Variants in MDGA2 observed in about 807,000 individuals in gnomAD.
MDGA2 encodes the protein MAM domain containing glycosylphosphatidylinositol anchor 2.
MDGA2 carries 40 observed loss-of-function variants against 117.8 expected under a neutral mutation model. The observed-to-expected ratio is 0.34, with a 90% CI of 0.26 to 0.44. The LOEUF is 0.44. Ranked by LOEUF, MDGA2 falls within the 20% of genes least tolerant of loss-of-function variation. The probability of loss-of-function intolerance (pLI) is 1.00; values close to 1 mark genes in which losing one functional copy is unlikely to be tolerated. For synonymous variants in MDGA2, 452 were observed against 439.0 expected, an observed-to-expected ratio of 1.03 and a Z score of -0.37; for missense variants, 1,123 against 1,250.6, an observed-to-expected ratio of 0.90 and a Z score of 1.54.
intron 3 of MDGA2, among the ~76,000 whole-genome samples, chr14:47,173,015 G>C (rs187537829): frequency 6.6e-6 from 1 of 152,142 alleles, no homozygotes; most frequent in East Asian, 1.9e-4. Flanking sequence ...GAAGCCCCAG[G>C]AGCCGATGCG....
At chr14:47,358,066 C>G (rs1257182581) in intron 1 of MDGA2, among the ~76,000 whole-genome samples, 1 of 152,212 alleles carries the variant, frequency 6.6e-6, no homozygotes, top group Non-Finnish European at 1.5e-5. Context: ...CAGGAAGAAG[C>G]TCTGCCCCAG....
At chr14:47,231,236 C>A (rs140948575) in intron 2 of MDGA2, among the ~76,000 whole-genome samples, 1 of 152,086 alleles carries the variant, frequency 6.6e-6, no homozygotes, top group African/African-American at 2.4e-5. Context: ...TTATTAAAGA[C>A]TTATTCGGCC....
At chr14:47,050,066 A>C (rs1401282273) in intron 7 of MDGA2, among the ~76,000 whole-genome samples, 1 of 152,010 alleles carries the variant, frequency 6.6e-6, no homozygotes, top group African/African-American at 2.4e-5. Context: ...CCTCATCAAA[A>C]ATACATTTCT....
At chr14:46,972,364 C>G (rs1003327475) in intron 8 of MDGA2, among the ~76,000 whole-genome samples, 2 of 152,180 alleles carry the variant, frequency 1.3e-5, no homozygotes, top group Admixed American at 6.5e-5. Flanking sequence ...ATATGGAAAT[C>G]ATCTACTTGA....
chr14:47,462,992 T>C (rs2138595940), intron 1 of MDGA2, among the ~76,000 whole-genome samples: 1 of 152,260 alleles, frequency 6.6e-6, no homozygotes, highest in Middle Eastern at 3.4e-3. Context: ...TTAATGATCA[T>C]TTTAGAAAAG....
At chr14:47,287,649 T>C (rs1487634606) in intron 2 of MDGA2, among the ~76,000 whole-genome samples, 2 of 152,096 alleles carry the variant, frequency 1.3e-5, no homozygotes, top group African/African-American at 4.8e-5. Flanking sequence ...ATTTGTTCAG[T>C]AAAAGTATGG....
chr14:46,910,855 G>A (rs1883672005), intron 10 of MDGA2, among the ~76,000 whole-genome samples: 1 of 152,142 alleles, frequency 6.6e-6, no homozygotes. Context: ...GACACGGATG[G>A]AGCTGGAGGC....
chr14:47,378,166 A>C (rs1193499533), intron 1 of MDGA2, among the ~76,000 whole-genome samples: 1 of 152,194 alleles, frequency 6.6e-6, no homozygotes. Context: ...TAGAAGGAAA[A>C]CTAACAAACA....
Position 47,564,521 on chromosome 14 carries a change from A to T in MDGA2, c.280+109996T>A, listed in dbSNP as rs531146981. ...CCCTCAAATCTCAGGAGAATTATTCACTACCATGAAAGCAGTATGGCAGAA... is the reference window on the plus strand; with the variant it reads ...CCCTCAAATCTCAGGAGAATTATTCTCTACCATGAAAGCAGTATGGCAGAA... On this transcript the variant is annotated intron_variant, in intron 1 of 16. Transcript: ENST00000399232. Among the ~76,000 whole-genome samples, 25 of 152,292 alleles carry T rather than the reference A, an allele frequency of 1.6e-4. No individual in the cohort carries two copies. In the East Asian group the frequency reaches 4.8e-3, roughly 29 times the overall value.
chr14:47,017,498 G>A (rs146961419), intron 8 of MDGA2, among the ~76,000 whole-genome samples: 4 of 152,022 alleles, frequency 2.6e-5, no homozygotes, highest in Admixed American at 1.3e-4. Flanking sequence ...GAGAAGAGTC[G>A]AGGAACAAAG....
intron 10 of MDGA2, among the ~76,000 whole-genome samples, chr14:46,909,441 G>T (rs1883616946): frequency 6.6e-6 from 1 of 152,076 alleles, no homozygotes. Flanking sequence ...AAGAAAGTGT[G>T]AGCAGAAGCA....
At chr14:47,360,690 G>A (rs1300660398) in intron 1 of MDGA2, among the ~76,000 whole-genome samples, 4 of 151,990 alleles carry the variant, frequency 2.6e-5, no homozygotes, top group African/African-American at 9.7e-5. Context: ...TAAAAACAGG[G>A]TTTTCATTTG....
At chr14:47,384,521 A>G (rs1891714110) in intron 1 of MDGA2, among the ~76,000 whole-genome samples, 1 of 151,908 alleles carries the variant, frequency 6.6e-6, no homozygotes, top group Admixed American at 6.6e-5. Context: ...TCTTGGTATT[A>G]TATGGGCTGC....
At chr14:47,363,244 GTTTAA>G (rs1465396994) in intron 1 of MDGA2, among the ~76,000 whole-genome samples, 1 of 151,884 alleles carries the variant, frequency 6.6e-6, no homozygotes, top group Non-Finnish European at 1.5e-5. Flanking sequence ...TTATTTATGT[GTTTAA>G]TTTATTTATT....
chr14:47,394,550 A>C (rs1328239271), intron 1 of MDGA2, among the ~76,000 whole-genome samples: 1 of 152,200 alleles, frequency 6.6e-6, no homozygotes, highest in South Asian at 2.1e-4. Context: ...AGACTACTGT[A>C]TTGCTTTCTG....
At position 47,336,577 on chromosome 14, in the gene MDGA2, A is replaced by G. The variant is rs370991463; in HGVS notation, c.281-35027T>C. Among the ~76,000 whole-genome samples the G allele has an allele frequency of 2.0e-5, 3 of 152,060 alleles. No individual in the cohort carries two copies. The East Asian group carries it at 5.8e-4, about 29-fold the overall frequency. On this transcript the variant is annotated intron_variant, in intron 1 of 16. Coordinates refer to ENST00000399232, the MANE Select transcript of MDGA2 (RefSeq NM_001113498.3). ...TATGTAACCACAAATTATTTTGTTT[A>G]AATTAAAGTACCCACTTTGAGTCAC...
intron 8 of MDGA2, among the ~76,000 whole-genome samples, chr14:46,999,901 G>T (rs1277992694): frequency 6.6e-6 from 1 of 151,862 alleles, no homozygotes; most frequent in Non-Finnish European, 1.5e-5. Flanking sequence ...ATGTCTAAGG[G>T]GTTGGCTTTC....
At chr14:46,874,334 G>C (rs1882137849) in intron 12 of MDGA2, 134 bp from the exon 13 acceptor site, 1 of 376,554 alleles carries the variant, frequency 2.7e-6, no homozygotes, top group Non-Finnish European at 4.6e-6. Context: ...AGCCATAATG[G>C]TGCAGAAGAT....
chr14:47,599,040 G>C (rs182335534), intron 1 of MDGA2, among the ~76,000 whole-genome samples: 15 of 151,928 alleles, frequency 9.9e-5, no homozygotes, highest in South Asian at 2.1e-4. Context: ...TACGAATCTC[G>C]TGTGCTACAA....
Sources: allele counts gnomAD v4.1 joint callset (sites outside exome capture counted in the v4.1 genomes callset), GRCh38; gene constraint gnomAD v4.1.1; transcripts MANE v1.5; gene names NCBI Gene and HGNC (gene_info 2026-07-23, HGNC 2026-07-21).